The following SORCS3 variants were observed in gnomAD, a reference collection of about 807,000 sequenced individuals.
SORCS3 encodes the protein sortilin related VPS10 domain containing receptor 3, also known as VPS10 domain-containing receptor SorCS3.
A neutral mutation model predicts 146.3 loss-of-function variants in SORCS3; 57 were observed. The ratio of observed to expected loss-of-function variants is 0.39; its 90% CI spans 0.31 to 0.49. The LOEUF (loss-of-function observed/expected upper bound fraction) is 0.49. SORCS3 is among the 20% of genes least tolerant of loss of function. The pLI is 0.92. For missense variants in SORCS3, 1,341 were observed against 1,575.5 expected, an observed-to-expected ratio of 0.85 and a Z score of 2.52; for synonymous variants, 653 against 618.5, an observed-to-expected ratio of 1.06 and a Z score of -0.83.
chr10:105,201,203 A>C lies in SORCS3; in HGVS notation c.2211A>C (p.Ser737=). ...GAQCALGRDH[S]GSVVSEPCVC... ...AGTGTGCCCTGGGCCGAGACCACTC[A>C]GGATCAGTGGTCTCAGAACCCTGTG... Residue 737 remains serine (S), a synonymous_variant, in exon 16 of 27, where the codon TCA becomes TCC. Transcript: ENST00000369701. 1 of 1,611,844 alleles carries C rather than the reference A, an allele frequency of 6.2e-7. No homozygotes were observed. The highest frequency in any genetic ancestry group is 2.2e-5 in the East Asian group (1 of 44,822).
Position 104,882,728 on chromosome 10 carries a change from A to G in SORCS3, c.696-33105A>G, listed in dbSNP as rs2018643585. 2.0e-5 allele frequency among the ~76,000 whole-genome samples: 3 copies of G among 152,184 alleles called. No homozygotes were observed. The South Asian group carries it at 6.2e-4, about 31-fold the overall frequency. On this transcript the variant is annotated intron_variant, in intron 2 of 26. Transcript: ENST00000369701. ...CTTGGTCAACCTTCCAATTTGATAC[A>G]GCCCAGTCCTCTTGCTTATTCCCAT...
At chr10:104,727,961 C>T (rs138558356) in intron 1 of SORCS3, among the ~76,000 whole-genome samples, 141 of 152,158 alleles carry the variant, frequency 9.3e-4, no homozygotes, top group African/African-American at 3.2e-3. Flanking sequence ...AAATTGTCTT[C>T]CACAAAACCG....
chr10:104,825,793 A>C (rs2133532315), intron 1 of SORCS3, among the ~76,000 whole-genome samples: 1 of 152,286 alleles, frequency 6.6e-6, no homozygotes, highest in African/African-American at 2.4e-5. Flanking sequence ...TCTCATTTTC[A>C]AAGTCCCTTA....
intron 4 of SORCS3, among the ~76,000 whole-genome samples, chr10:104,983,889 G>T (rs1232454577): frequency 3.1e-4 from 47 of 152,018 alleles, no homozygotes; most frequent in Non-Finnish European, 1.2e-4. Flanking sequence ...TAAACTCAGG[G>T]TCATTCTTTC....
At chr10:104,878,840 T>A (rs1181329765) in intron 2 of SORCS3, among the ~76,000 whole-genome samples, 2 of 152,200 alleles carry the variant, frequency 1.3e-5, no homozygotes, top group Non-Finnish European at 2.9e-5. Context: ...ATGTGTTGGA[T>A]GTTCTAGGAA....
chr10:105,188,077 A>T (rs2056490710), intron 14 of SORCS3, among the ~76,000 whole-genome samples: 1 of 152,130 alleles, frequency 6.6e-6, no homozygotes, highest in Admixed American at 6.6e-5. Flanking sequence ...CTAAGGCTTA[A>T]GGGCTTCAGG....
chr10:105,172,304 G>A (rs1564774790), intron 13 of SORCS3, among the ~76,000 whole-genome samples: 1 of 152,256 alleles, frequency 6.6e-6, no homozygotes, highest in East Asian at 1.9e-4. Context: ...ATACATATTT[G>A]TTGAGCATAT....
intron 3 of SORCS3, among the ~76,000 whole-genome samples, chr10:104,929,590 T>C (rs2019184865): frequency 6.6e-6 from 1 of 152,172 alleles, no homozygotes; most frequent in African/African-American, 2.4e-5. Flanking sequence ...TCCCAAAGGT[T>C]CCAAGCCCTA....
chr10:105,208,596 C>T (rs1035735898), intron 16 of SORCS3, among the ~76,000 whole-genome samples: 1 of 149,942 alleles, frequency 6.7e-6, no homozygotes, highest in Non-Finnish European at 1.5e-5. Context: ...TGTAAAGCAC[C>T]TCAATAGCAT....
intron 1 of SORCS3, among the ~76,000 whole-genome samples, chr10:104,804,699 A>G (rs558102453): frequency 6.6e-6 from 1 of 152,320 alleles, no homozygotes; most frequent in South Asian, 2.1e-4. Flanking sequence ...TTGATATTCA[A>G]TCTTCAGAAG....
At chr10:105,145,356 C>T (rs927824023) in intron 8 of SORCS3, among the ~76,000 whole-genome samples, 1 of 152,056 alleles carries the variant, frequency 6.6e-6, no homozygotes, top group Non-Finnish European at 1.5e-5. Flanking sequence ...AATCTTACTC[C>T]AGAGCCTGGA....
chr10:105,262,618 A>G (rs1352831577), intron 26 of SORCS3, 127 bp downstream of exon 26: 8 of 998,916 alleles, frequency 8.0e-6, no homozygotes, highest in Non-Finnish European at 1.1e-5. Context: ...TGACAGAATC[A>G]TGTTTTAAAT....
At chr10:104,791,890 G>A (rs2017499319) in intron 1 of SORCS3, among the ~76,000 whole-genome samples, 1 of 152,136 alleles carries the variant, frequency 6.6e-6, no homozygotes, top group Admixed American at 6.5e-5. Flanking sequence ...TAGTTCTTCT[G>A]TTGACCCCTA....
chr10:105,243,664 A>G (rs2056849763), intron 20 of SORCS3, among the ~76,000 whole-genome samples: 1 of 152,228 alleles, frequency 6.6e-6, no homozygotes, highest in Middle Eastern at 3.2e-3. Flanking sequence ...GGGAAGGAGT[A>G]TATCCCTTTC....
chr10:105,247,180 A>T, intron 21 of SORCS3, 39 bp from the exon 22 acceptor site: 1 of 1,219,186 alleles, frequency 8.2e-7, no homozygotes, highest in South Asian at 1.3e-5. Flanking sequence ...CTCTCTTCTC[A>T]CTCTCCCAGC....
chr10:104,797,276 C>G lies in SORCS3; in HGVS notation c.628-45516C>G, dbSNP rs1400290101. On this transcript the variant is annotated intron_variant, in intron 1 of 26. Coordinates refer to ENST00000369701, the MANE Select transcript of SORCS3 (RefSeq NM_014978.3). The stretch of plus-strand genomic sequence containing the variant: ...GTCTATAAAATGAAACATTTAGTGA[C>G]TAATGATAGTACTTGAGGTAAATGT... 5.3e-5 allele frequency among the ~76,000 whole-genome samples: 8 copies of G among 152,266 alleles called. No homozygotes were observed. In the East Asian group the frequency reaches 1.5e-3, roughly 29 times the overall value.
chr10:104,747,538 G>C (rs1428484480), intron 1 of SORCS3, among the ~76,000 whole-genome samples: 2 of 152,184 alleles, frequency 1.3e-5, no homozygotes, highest in Non-Finnish European at 2.9e-5. Context: ...TGGAGTTCCT[G>C]GAGAGTTAAT....
intron 2 of SORCS3, among the ~76,000 whole-genome samples, chr10:104,889,558 A>G (rs1288092616): frequency 6.6e-6 from 1 of 151,148 alleles, no homozygotes; most frequent in African/African-American, 2.4e-5. Context: ...TATAGTACAC[A>G]TCTTTAATTT....
chr10:104,747,076 G>A (rs968779993), intron 1 of SORCS3, among the ~76,000 whole-genome samples: 1 of 152,188 alleles, frequency 6.6e-6, no homozygotes, highest in African/African-American at 2.4e-5. Flanking sequence ...TCTACTAAGG[G>A]TGGCTCACTT....
Sources: gnomAD v4.1 joint callset for allele counts (sites outside exome capture counted in the v4.1 genomes callset) on GRCh38, gnomAD v4.1.1 for gene constraint, MANE v1.5 for transcripts, NCBI Gene and HGNC (gene_info 2026-07-23, HGNC 2026-07-21) for gene names.